Variants in SVEP1 observed in about 807,000 individuals in gnomAD.
The protein encoded by SVEP1 is sushi, von Willebrand factor type A, EGF and pentraxin domain containing 1, also known as sushi, von Willebrand factor type A, EGF and pentraxin domain-containing protein 1.
In SVEP1, 164 loss-of-function variants were observed where a neutral mutation model predicts 367.3. That is an observed-to-expected ratio of 0.45 (90% CI 0.39 to 0.51). SVEP1 has a LOEUF of 0.51. Ranked by LOEUF, SVEP1 falls within the 20% of genes least tolerant of loss-of-function variation. The pLI, the probability that SVEP1 is intolerant of heterozygous loss-of-function variation, is 0.00. For synonymous variants in SVEP1, 1,666 were observed against 1,611.6 expected (o/e 1.03, Z -0.81); for missense variants, 4,117 against 4,425.3 (o/e 0.93, Z 1.98).
Position 110,407,744 on chromosome 9 carries a change from A to G in SVEP1, c.7856T>C (p.Ile2619Thr). ...MPIDCGLPPH[I>T]DFGDCTKLKD... ...GAGTTTAGTACAGTCTCCAAAATCT[A>G]TATGAGGAGGGAGGCCACAGTCTAT... is the stretch of plus-strand genomic sequence containing the variant. The change falls in exon 38 of 48, where the codon ATA becomes ACA. Residue 2619 changes from isoleucine (I) to threonine (T), a missense_variant. This residue lies in a region of SVEP1 where 1,765 missense variants were observed against 1,781.1 expected (regional missense o/e 0.99). Coordinates refer to ENST00000374469, the MANE Select transcript of SVEP1 (RefSeq NM_153366.4). 3.1e-6 allele frequency: 5 copies of G among 1,614,010 alleles called. No individual in the cohort carries two copies. Among genetic ancestry groups the G allele is most frequent in the African/African-American group, 1.3e-5 (1 of 75,052 alleles).
intron 24 of SVEP1, 93 bp from the exon 25 acceptor site, chr9:110,447,150 A>G (rs1169603192): frequency 8.5e-7 from 1 of 1,172,404 alleles, no homozygotes; most frequent in Middle Eastern, 2.8e-4. Context: ...GAAAATTGAA[A>G]TGCTGGAACA....
At chr9:110,539,166 G>A (rs1041566543) in intron 3 of SVEP1, among the ~76,000 whole-genome samples, 7 of 152,040 alleles carry the variant, frequency 4.6e-5, no homozygotes, top group African/African-American at 1.4e-4. Flanking sequence ...AAGACAAGCA[G>A]TGGGGATACC....
At chr9:110,369,881 G>A (rs774185190) in intron 47 of SVEP1, 42 bp downstream of exon 47, 3 of 1,536,946 alleles carry the variant, frequency 2.0e-6, no homozygotes, top group South Asian at 2.4e-5. Flanking sequence ...GAATTTTAGA[G>A]TCTTCATGTT....
At chr9:110,462,413 T>G (rs887276176) in intron 18 of SVEP1, among the ~76,000 whole-genome samples, 4 of 151,904 alleles carry the variant, frequency 2.6e-5, no homozygotes, top group African/African-American at 9.7e-5. Flanking sequence ...TTCAGAAATA[T>G]ATTTTCCTGC....
chr9:110,448,150 C>CGT (rs1391221399), intron 24 of SVEP1, among the ~76,000 whole-genome samples: 5 of 64,026 alleles, frequency 7.8e-5, no homozygotes, highest in Non-Finnish European at 3.2e-5. Flanking sequence ...TGTGTGTGTG[C>CGT]GCGTGTGTGT....
At chr9:110,438,365 A>G (rs1828462962) in intron 27 of SVEP1, among the ~76,000 whole-genome samples, 1 of 151,648 alleles carries the variant, frequency 6.6e-6, no homozygotes, top group African/African-American at 2.4e-5. Context: ...TAATTTTTGT[A>G]TTTTTAGGAG....
At chr9:110,511,488 C>A (rs10980418) in intron 5 of SVEP1, among the ~76,000 whole-genome samples, 2,081 of 77,068 alleles carry the variant, frequency 0.027, 74 homozygotes, top group East Asian at 0.081. Flanking sequence ...GTGTCAGTAC[C>A]TTTTTTTTTT....
At chr9:110,423,719 C>A (rs74813123) in intron 36 of SVEP1, among the ~76,000 whole-genome samples, 5,611 of 151,936 alleles carry the variant, frequency 0.037, 337 homozygotes, top group African/African-American at 0.13. Context: ...AAAACGAAGC[C>A]ACAGATAAGC....
intron 3 of SVEP1, among the ~76,000 whole-genome samples, chr9:110,517,502 G>T (rs1046025977): frequency 1.3e-5 from 2 of 151,262 alleles, no homozygotes; most frequent in Admixed American, 6.6e-5. Context: ...GGAGGCTGAG[G>T]CAGGAGAATC....
chr9:110,569,636 G>T (rs373833294), intron 1 of SVEP1, among the ~76,000 whole-genome samples: 1 of 152,044 alleles, frequency 6.6e-6, no homozygotes, highest in South Asian at 2.1e-4. Flanking sequence ...CATGTAATAA[G>T]TCCTACTAAG....
chr9:110,406,726 A>AC lies in SVEP1; in HGVS notation c.8873dup (p.Asn2961Ter). The AC allele has an allele frequency of 6.2e-7, 1 of 1,614,038 alleles. No homozygotes were observed. Among genetic ancestry groups the AC allele is most frequent in the East Asian group, 2.2e-5 (1 of 44,888 alleles). ...GAATAAAGGAAAAACCATTAGGGAA[A>AC]CCATGGGCAAGATCTTCAGGAGGTC... On this transcript the variant is annotated frameshift_variant, in exon 38 of 48. Transcript: ENST00000374469. LOFTEE classifies it high-confidence loss of function.
chr9:110,394,558 TA>T (rs1827726650), intron 40 of SVEP1, among the ~76,000 whole-genome samples: 1 of 152,128 alleles, frequency 6.6e-6, no homozygotes, highest in South Asian at 2.1e-4. Flanking sequence ...TACTCTCAGC[TA>T]CAGGAGGAAG....
chr9:110,497,886 A>T (rs190880195), intron 7 of SVEP1, among the ~76,000 whole-genome samples: 2 of 152,244 alleles, frequency 1.3e-5, no homozygotes, highest in Admixed American at 1.3e-4. Context: ...AATTTAATTC[A>T]ATTTATATTT....
intron 6 of SVEP1, among the ~76,000 whole-genome samples, chr9:110,501,368 C>T (rs1375531720): frequency 6.6e-6 from 1 of 150,390 alleles, no homozygotes; most frequent in African/African-American, 2.4e-5. Context: ...CATATTTTAC[C>T]ACATGTTCTG....
intron 11 of SVEP1, 45 bp from the exon 12 acceptor site, chr9:110,481,481 G>A (rs1420222267): frequency 2.3e-6 from 3 of 1,320,914 alleles, no homozygotes; most frequent in East Asian, 2.7e-5. Flanking sequence ...GGTACAAGAA[G>A]CATAAATTAA....
At chr9:110,516,869 G>A (rs539598020) in intron 3 of SVEP1, among the ~76,000 whole-genome samples, 18 of 152,232 alleles carry the variant, frequency 1.2e-4, no homozygotes, top group Admixed American at 9.2e-4. Flanking sequence ...CTAACCTGGA[G>A]CTTTAGTGCA....
chr9:110,465,460 T>C (rs1281714898), intron 18 of SVEP1, among the ~76,000 whole-genome samples: 1 of 152,192 alleles, frequency 6.6e-6, no homozygotes, highest in African/African-American at 2.4e-5. Flanking sequence ...AACCTTCAAC[T>C]CGTAAGGAAT....
intron 43 of SVEP1, among the ~76,000 whole-genome samples, chr9:110,385,592 G>C (rs966408368): frequency 3.8e-4 from 58 of 152,224 alleles, no homozygotes; most frequent in African/African-American, 1.3e-3. Flanking sequence ...TTAAAGGATA[G>C]TTTGGGGACT....
At chr9:110,455,297 A>C (rs1828761217) in intron 22 of SVEP1, among the ~76,000 whole-genome samples, 3 of 152,230 alleles carry the variant, frequency 2.0e-5, no homozygotes, top group Admixed American at 6.5e-5. Flanking sequence ...AGGTTCAGTG[A>C]AGTTAAATGT....
Sources: gnomAD v4.1 joint callset for allele counts (sites outside exome capture counted in the v4.1 genomes callset) on GRCh38, gnomAD v4.1.1 for gene constraint, gnomAD v4.1.1 regional missense constraint, MANE v1.5 for transcripts, NCBI Gene and HGNC (gene_info 2026-07-23, HGNC 2026-07-21) for gene names.